The following NOBOX variants were observed in gnomAD, a reference collection of about 807,000 sequenced individuals.
The protein encoded by NOBOX is homeobox protein NOBOX.
In NOBOX, 46 loss-of-function variants were observed where a neutral mutation model predicts 60.2. That is an observed-to-expected ratio of 0.76 (90% CI 0.60 to 0.98). The LOEUF is 0.98. NOBOX is among the 50% of genes least tolerant of loss of function. The pLI, the probability that NOBOX is intolerant of heterozygous loss-of-function variation, is 0.00. For missense variants in NOBOX, 880 were observed against 865.5 expected (o/e 1.02, Z -0.21); for synonymous variants, 360 against 346.3 (o/e 1.04, Z -0.44).
In NOBOX at chr7:144,399,710, C is replaced by T. The variant is rs758984344; in HGVS notation, c.1154+47G>A. 1.1e-5 allele frequency: 17 copies of T among 1,480,180 alleles called. No individual in the cohort carries two copies. The African/African-American group carries it at 2.2e-4, about 19-fold the overall frequency. The allele number at this position is 1,480,180 out of a possible 1,614,324, so 91.7% of individuals were successfully genotyped here. A position where few individuals can be genotyped will look rare whatever the true frequency, so the allele number is the denominator to read the frequency against. On this transcript the variant is annotated intron_variant, in intron 6 of 9. Transcript: ENST00000467773. ...AGACCCTCAGGATCCCAGCTTGGAC[C>T]CCACTTCTACCCACAGGGATGATAC...
chr7:144,407,786 G>A (rs971119570), intron 1 of NOBOX, among the ~76,000 whole-genome samples: 10 of 152,244 alleles, frequency 6.6e-5, no homozygotes, highest in East Asian at 1.9e-4. Context: ...AAGTTCTGGC[G>A]TGAATTAGCG....
chr7:144,399,040 A>G lies in NOBOX; in HGVS notation c.1379T>C (p.Val460Ala). The stretch of plus-strand genomic sequence containing the variant: ...CAGTGGCATCAGTTGGGGGGTGTGG[A>G]CAGGGCCAAGGGGGAAAGGAAGATC... The change falls in exon 8 of 10, where the codon GTC (valine) becomes GCC (alanine). Residue 460 changes from valine (V) to alanine (A), a missense_variant. Transcript: ENST00000467773. 1 of 1,596,660 alleles carries G rather than the reference A, an allele frequency of 6.3e-7. No individual in the cohort carries two copies. Among genetic ancestry groups the G allele is most frequent in the Non-Finnish European group, 8.5e-7 (1 of 1,171,582 alleles).
At chr7:144,405,032 T>C (rs1278087966) in intron 1 of NOBOX, among the ~76,000 whole-genome samples, 1 of 152,138 alleles carries the variant, frequency 6.6e-6, no homozygotes, top group Non-Finnish European at 1.5e-5. Flanking sequence ...GTGGGTACAT[T>C]TTCCTATTCC....
At chr7:144,406,553 G>T (rs756688300) in intron 1 of NOBOX, among the ~76,000 whole-genome samples, 1 of 100,512 alleles carries the variant, frequency 9.9e-6, no homozygotes, top group Non-Finnish European at 2.0e-5. Flanking sequence ...GTGAGACTCC[G>T]TCTCAAAAAA....
intron 2 of NOBOX, among the ~76,000 whole-genome samples, chr7:144,402,144 C>T (rs2053945327): frequency 6.6e-6 from 1 of 152,076 alleles, no homozygotes; most frequent in Non-Finnish European, 1.5e-5. Context: ...TCTGTCTCTG[C>T]CAACTCTCCT....
chr7:144,397,595 T>C, intron 9 of NOBOX, 54 bp from the exon 8 acceptor site: 1 of 1,393,028 alleles, frequency 7.2e-7, no homozygotes, highest in Non-Finnish European at 9.5e-7. Context: ...GTATCAACTA[T>C]CATTAACAGT....
At chr7:144,402,183 C>T (rs1234144529) in intron 2 of NOBOX, among the ~76,000 whole-genome samples, 1 of 142,960 alleles carries the variant, frequency 7.0e-6, no homozygotes, top group Non-Finnish European at 1.5e-5. Flanking sequence ...CCCGCCCGCA[C>T]CCCCCACCCC....
intron 1 of NOBOX, among the ~76,000 whole-genome samples, chr7:144,404,941 G>A (rs558067170): frequency 2.6e-5 from 4 of 152,248 alleles, no homozygotes; most frequent in South Asian, 2.1e-4. Context: ...GGAGCGGGGC[G>A]GCCTGGAACA....
chr7:144,398,207 C>G, intron 9 of NOBOX, 75 bp downstream of exon 7: 1 of 1,330,086 alleles, frequency 7.5e-7, no homozygotes, highest in Non-Finnish European at 1.0e-6. Flanking sequence ...AGTCTACCCT[C>G]CAGATAACTT....
chr7:144,398,550 C>T lies in NOBOX; in HGVS notation c.1506G>A (p.Glu502=). 6.5e-7 allele frequency: 1 copy of T among 1,536,268 alleles called. No individual in the cohort carries two copies. Among genetic ancestry groups the T allele is most frequent in the Non-Finnish European group, 8.7e-7 (1 of 1,146,806 alleles). Reference sequence around the variant, plus strand: ...TCTGTTGGTAATCCTGGGGCTCCAGCTCCTCCAAATATGAACAGGGGGGTG... The same window carrying T: ...TCTGTTGGTAATCCTGGGGCTCCAGTTCCTCCAAATATGAACAGGGGGGTG... Residue 502 remains glutamate (E), a synonymous_variant, in exon 9 of 10, where the codon GAG becomes GAA. Coordinates refer to ENST00000467773, the MANE Select transcript of NOBOX (RefSeq NM_001080413.3).
chr7:144,400,416 C>A, intron 4 of NOBOX, 104 bp from the exon 3 acceptor site: 1 of 995,428 alleles, frequency 1.0e-6, no homozygotes, highest in Non-Finnish European at 1.5e-6. Flanking sequence ...GGGGCCACTG[C>A]CCCTAACCCA....
intron 2 of NOBOX, among the ~76,000 whole-genome samples, chr7:144,403,911 G>A (rs906248772): frequency 6.6e-6 from 1 of 151,966 alleles, no homozygotes; most frequent in Non-Finnish European, 1.5e-5. Flanking sequence ...ACCCGGGCCT[G>A]GGCGCCGCCT....
At chr7:144,409,722 T>A (rs2054009072) in intron 1 of NOBOX, among the ~76,000 whole-genome samples, 1 of 152,350 alleles carries the variant, frequency 6.6e-6, no homozygotes, top group East Asian at 1.9e-4. Flanking sequence ...AATAAAAACC[T>A]CTTCCACTTG....
In NOBOX at chr7:144,401,118, TG is replaced by T. The variant is rs762364002; in HGVS notation, c.771del (p.Asn257LysfsTer11). 6.4e-7 allele frequency: 1 copy of T among 1,567,840 alleles called. No individual in the cohort carries two copies. Among genetic ancestry groups the T allele is most frequent in the Non-Finnish European group, 8.6e-7 (1 of 1,158,700 alleles). On this transcript the variant is annotated frameshift_variant, in exon 4 of 10. Coordinates refer to ENST00000467773, the MANE Select transcript of NOBOX (RefSeq NM_001080413.3). LOFTEE classifies it high-confidence loss of function. This position sits in a 1 kb window ranked among gnomAD's most constrained non-coding sequence, Gnocchi z 4.2. The stretch of plus-strand genomic sequence containing the variant: ...TCCGGGGGCCCCTGCTTGTGGTCTC[TG>T]TTTTGGTTGCTCTGCGCCAATGTAC...
At chr7:144,409,656 TA>T (rs1477127736) in intron 1 of NOBOX, among the ~76,000 whole-genome samples, 1 of 152,204 alleles carries the variant, frequency 6.6e-6, no homozygotes, top group East Asian at 1.9e-4. Flanking sequence ...TTTAAAAAAT[TA>T]AAAAGGCAAA....
In NOBOX at chr7:144,399,826, AT is replaced by A; in HGVS notation, c.1084del (p.Met362TrpfsTer4). ...GCTTTCTTTCCCATTCAGTTTCTCCATTTTTCGCCACTTGGCCCGGCGATTC... is the reference window on the plus strand; with the variant it reads ...GCTTTCTTTCCCATTCAGTTTCTCCATTTTCGCCACTTGGCCCGGCGATTC... On this transcript the variant is annotated frameshift_variant, in exon 6 of 10. Coordinates refer to ENST00000467773, the MANE Select transcript of NOBOX (RefSeq NM_001080413.3). LOFTEE classifies it high-confidence loss of function. The A allele has an allele frequency of 1.2e-6, 2 of 1,612,440 alleles. No individual in the cohort carries two copies. The highest frequency in any genetic ancestry group is 1.7e-6 in the Non-Finnish European group (2 of 1,178,866).
chr7:144,404,811 G>A, intron 1 of NOBOX: 1 of 1,073,208 alleles, frequency 9.3e-7, no homozygotes, highest in South Asian at 1.6e-5. Flanking sequence ...TTCACGGAAT[G>A]TTTCTTACTA....
chr7:144,407,427 A>G (rs1037692015), intron 1 of NOBOX, among the ~76,000 whole-genome samples: 5 of 152,212 alleles, frequency 3.3e-5, no homozygotes, highest in African/African-American at 1.2e-4. Flanking sequence ...AGTCACAGCC[A>G]GGGAGATCGT....
Position 144,399,429 on chromosome 7 carries a change from A to C in NOBOX, c.1208T>G (p.Phe403Cys). 1 of 1,588,728 alleles carries C rather than the reference A, an allele frequency of 6.3e-7. No homozygotes were observed. ...GGTATCCAGAGGGGACTCCTGAGGGAAAGGGTCAGGCTTTGGCTCCATGGG... is the reference window on the plus strand; with the variant it reads ...GGTATCCAGAGGGGACTCCTGAGGGCAAGGGTCAGGCTTTGGCTCCATGGG... Residue 403 changes from phenylalanine (F) to cysteine (C), a missense_variant, in exon 7 of 10, where the codon TTC (phenylalanine) becomes TGC (cysteine). By Grantham distance (205) the Phe-to-Cys change is radical. Transcript: ENST00000467773.
Sources: gnomAD v4.1 joint callset for allele counts (sites outside exome capture counted in the v4.1 genomes callset) on GRCh38, gnomAD v4.1.1 for gene constraint, Gnocchi (gnomAD v3.1) non-coding constraint, MANE v1.5 for transcripts, NCBI Gene and HGNC (gene_info 2026-07-23, HGNC 2026-07-21) for gene names.